Variants in ERBIN observed in about 807,000 individuals in gnomAD.
The protein encoded by ERBIN is erbb2 interacting protein.
A neutral mutation model predicts 158.4 loss-of-function variants in ERBIN; 60 were observed. That is an observed-to-expected ratio of 0.38 (90% CI 0.31 to 0.47). The LOEUF is 0.47. Among genes scored for constraint, ERBIN ranks in the 20% least tolerant of loss-of-function variants. The pLI is 0.99. For missense variants in ERBIN, 1,610 were observed against 1,648.0 expected (o/e 0.98, Z 0.40); for synonymous variants, 594 against 557.2 (o/e 1.07, Z -0.93).
Position 66,053,856 on chromosome 5 carries a change from C to T in ERBIN, c.2538C>T (p.Asp846=), listed in dbSNP as rs959183544. The T allele has an allele frequency of 1.2e-5, 19 of 1,614,076 alleles. No homozygotes were observed. The highest frequency in any genetic ancestry group is 1.6e-5 in the Non-Finnish European group (19 of 1,180,002). The part of the protein sequence containing the change: ...TEPHDSDCSV[D]LGISKSTEDL... ...CACATGACAGTGATTGTTCTGTTGA[C>T]TTAGGTATTTCCAAAAGCACTGAAG... The change falls in exon 21 of 26, where the codon GAC becomes GAT. Residue 846 remains aspartate (D), a synonymous_variant. Transcript: ENST00000284037.
rs1298429393 is a variant in ERBIN at position 66,054,716 on chromosome 5, G to A, written c.3398G>A (p.Ser1133Asn). Residue 1133 changes from serine to asparagine, a missense_variant, in exon 21 of 26, where the codon AGC (serine) becomes AAC (asparagine). Ser to Asn is a conservative substitution (Grantham distance 46). Coordinates refer to ENST00000284037, the MANE Select transcript of ERBIN (RefSeq NM_001253697.2). ...AGACCCCTTTCTGCACGAACATACA[G>A]CATAGATGGTCCAAATGCATCAAGA... is the stretch of plus-strand genomic sequence containing the variant. ...SQRPLSARTY[S>N]IDGPNASRPQ... 2 of 1,614,082 alleles carry A rather than the reference G, an allele frequency of 1.2e-6. No individual in the cohort carries two copies. The highest frequency in any genetic ancestry group is 8.5e-7 in the Non-Finnish European group (1 of 1,179,998).
At chr5:66,066,805 A>G (rs1438730733) in intron 21 of ERBIN, among the ~76,000 whole-genome samples, 1 of 152,238 alleles carries the variant, frequency 6.6e-6, no homozygotes, top group Non-Finnish European at 1.5e-5. Flanking sequence ...ATTGCCCAGG[A>G]CATTATGCCT....
At chr5:66,042,536 A>G (rs1758012926) in intron 15 of ERBIN, among the ~76,000 whole-genome samples, 1 of 152,088 alleles carries the variant, frequency 6.6e-6, no homozygotes, top group Non-Finnish European at 1.5e-5. Context: ...TGCTGACACA[A>G]TGCTCAAAGG....
intron 7 of ERBIN, among the ~76,000 whole-genome samples, chr5:66,018,621 C>T (rs563091476): frequency 1.1e-5 from 1 of 88,174 alleles, no homozygotes; most frequent in Non-Finnish European, 2.3e-5. Context: ...TACACACACA[C>T]ATATAGATTT....
chr5:65,943,580 G>A (rs1380697768), intron 1 of ERBIN, among the ~76,000 whole-genome samples: 1 of 152,018 alleles, frequency 6.6e-6, no homozygotes, highest in Non-Finnish European at 1.5e-5. Flanking sequence ...GCCTCTTTGT[G>A]TACATCCTGT....
intron 1 of ERBIN, among the ~76,000 whole-genome samples, chr5:65,969,863 G>A (rs779289125): frequency 2.3e-4 from 35 of 152,104 alleles, no homozygotes; most frequent in Non-Finnish European, 3.7e-4. Flanking sequence ...AGTTCTGTTT[G>A]TTCCAAGGTG....
intron 1 of ERBIN, among the ~76,000 whole-genome samples, chr5:65,935,832 C>G (rs1744012082): frequency 6.6e-6 from 1 of 152,162 alleles, no homozygotes; most frequent in African/African-American, 2.4e-5. Context: ...TCAATCAATC[C>G]TTTCACCTCA....
At chr5:66,068,484 TTTATC>T (rs1320330716) in intron 21 of ERBIN, among the ~76,000 whole-genome samples, 3 of 152,152 alleles carry the variant, frequency 2.0e-5, no homozygotes, top group Admixed American at 6.5e-5. Flanking sequence ...GTTGGTAAAA[TTTATC>T]TTTATATAGA....
intron 1 of ERBIN, among the ~76,000 whole-genome samples, chr5:65,948,153 TTTTG>T (rs201291053): frequency 0.04 from 6,058 of 152,106 alleles, 406 homozygotes; most frequent in African/African-American, 0.14. Context: ...ATGAGTTCTT[TTTTG>T]TTTGTTTGTT....
At chr5:65,941,223 G>C (rs1349171519) in intron 1 of ERBIN, among the ~76,000 whole-genome samples, 2 of 148,190 alleles carry the variant, frequency 1.3e-5, no homozygotes, top group Admixed American at 6.9e-5. Flanking sequence ...AGAGACCTTT[G>C]TTCACTTGTT....
At chr5:66,063,905 A>G (rs188080587) in intron 21 of ERBIN, among the ~76,000 whole-genome samples, 106 of 152,336 alleles carry the variant, frequency 7.0e-4, no homozygotes, top group African/African-American at 2.5e-3. Flanking sequence ...TAACAAAAAT[A>G]GAAATTTCAA....
In ERBIN at chr5:66,012,124, C is replaced by G; in HGVS notation, c.383C>G (p.Ser128Cys). Residue 128 changes from serine (S) to cysteine (C), a missense_variant, in exon 5 of 26, where the codon TCC becomes TGC. This residue lies in a region of ERBIN where 596 missense variants were observed against 711.9 expected (regional missense o/e 0.84). Coordinates refer to ENST00000284037, the MANE Select transcript of ERBIN (RefSeq NM_001253697.2). ...TIVEASVNPI[S>C]KLPDGFSQLL... is the part of the protein sequence containing the mutation. Reference sequence around the variant, plus strand: ...GTGGAGGCCAGTGTAAACCCTATTTCCAAGTAAGTTCTCAGGTGAATTATA... The same window carrying G: ...GTGGAGGCCAGTGTAAACCCTATTTGCAAGTAAGTTCTCAGGTGAATTATA... 6.3e-7 allele frequency: 1 copy of G among 1,579,068 alleles called. No individual in the cohort carries two copies. The highest frequency in any genetic ancestry group is 8.6e-7 in the Non-Finnish European group (1 of 1,160,126).
At chr5:66,056,071 CAT>C (rs1263412003) in intron 21 of ERBIN, among the ~76,000 whole-genome samples, 2 of 151,984 alleles carry the variant, frequency 1.3e-5, no homozygotes, top group Non-Finnish European at 2.9e-5. Context: ...AGAAGAGTAA[CAT>C]AGGTGTGTTT....
At chr5:65,980,538 T>C (rs1750541122) in intron 1 of ERBIN, among the ~76,000 whole-genome samples, 1 of 152,178 alleles carries the variant, frequency 6.6e-6, no homozygotes, top group Non-Finnish European at 1.5e-5. Flanking sequence ...AAACAGAAAT[T>C]GTCAAATTTG....
Position 66,054,397 on chromosome 5 carries a change from A to C in ERBIN, c.3079A>C (p.Asn1027His), listed in dbSNP as rs931899749. 1.9e-6 allele frequency: 3 copies of C among 1,614,088 alleles called. No individual in the cohort carries two copies. In the South Asian group the frequency reaches 3.3e-5, roughly 18 times the overall value. The change falls in exon 21 of 26, where the codon AAT becomes CAT. Residue 1027 changes from asparagine (N) to histidine (H), a missense_variant. By Grantham distance (68) the Asn-to-His change is moderately conservative. Around this residue, in one of 2 missense-constraint regions of ERBIN, gnomAD observed 1,014 missense variants for 936.1 expected, o/e 1.08. Transcript: ENST00000284037. ...TCAAAGTTATGCTAAACATTCTGCC[A>C]ATATGAATTTCTCTAATCATAACAA... ...ENQSYAKHSA[N>H]MNFSNHNNVR...
chr5:65,931,691 C>G (rs1460219771), intron 1 of ERBIN, among the ~76,000 whole-genome samples: 11 of 151,996 alleles, frequency 7.2e-5, no homozygotes, highest in Non-Finnish European at 1.5e-4. Context: ...GAAAACAGCT[C>G]GATTCTCATA....
intron 19 of ERBIN, among the ~76,000 whole-genome samples, chr5:66,049,048 T>C (rs1012377600): frequency 6.6e-6 from 1 of 152,048 alleles, no homozygotes; most frequent in African/African-American, 2.4e-5. Flanking sequence ...CTGCCACTTA[T>C]CTGCTGTGTA....
intron 1 of ERBIN, among the ~76,000 whole-genome samples, chr5:65,973,377 A>G (rs1749486330): frequency 6.6e-6 from 1 of 151,078 alleles, no homozygotes; most frequent in South Asian, 2.1e-4. Flanking sequence ...CGTTGGGCAC[A>G]TGTACCCTAG....
intron 1 of ERBIN, among the ~76,000 whole-genome samples, chr5:65,961,707 T>G (rs1747941743): frequency 6.6e-6 from 1 of 152,192 alleles, no homozygotes; most frequent in Non-Finnish European, 1.5e-5. Flanking sequence ...TGACTATTGA[T>G]GACTTTTTTT....
Sources: gnomAD v4.1 joint callset for allele counts (sites outside exome capture counted in the v4.1 genomes callset) on GRCh38, gnomAD v4.1.1 for gene constraint, gnomAD v4.1.1 regional missense constraint, MANE v1.5 for transcripts, NCBI Gene and HGNC (gene_info 2026-07-23, HGNC 2026-07-21) for gene names.